Variants in UNC13C observed in about 807,000 individuals in gnomAD.
The protein encoded by UNC13C is protein unc-13 homolog C.
A neutral mutation model predicts 245.4 loss-of-function variants in UNC13C; 174 were observed. The observed-to-expected ratio is 0.71, with a 90% CI of 0.63 to 0.80. UNC13C has a LOEUF of 0.80. Ranked by LOEUF, UNC13C falls within the 30% of genes least tolerant of loss-of-function variation. The pLI, the probability that UNC13C is intolerant of heterozygous loss-of-function variation, is 0.00. For missense variants in UNC13C, 2,829 were observed against 2,602.9 expected (o/e 1.09, Z -1.89); for synonymous variants, 992 against 895.1 (o/e 1.11, Z -1.93).
At chr15:54,265,605 C>A in intron 10 of UNC13C, 109 bp downstream of exon 10, 2 of 837,466 alleles carry the variant, frequency 2.4e-6, no homozygotes, top group Non-Finnish European at 1.7e-6. Context: ...AATCTCTTAC[C>A]CAAAAGTAAT....
At chr15:53,918,462 C>A in the UNC13C span, among the ~76,000 whole-genome samples, 1 of 152,158 alleles carries the variant, frequency 6.6e-6, no homozygotes, top group Non-Finnish European at 1.5e-5. Context: ...TAACCTTCAA[C>A]CTTTCATAGT....
chr15:54,201,555 A>C (rs2034523300), intron 4 of UNC13C, among the ~76,000 whole-genome samples: 1 of 152,014 alleles, frequency 6.6e-6, no homozygotes, highest in Non-Finnish European at 1.5e-5. Context: ...CAGAATTGAA[A>C]ACAAAAGTCA....
chr15:54,098,265 G>T (rs1899981033), intron 2 of UNC13C, among the ~76,000 whole-genome samples: 1 of 152,088 alleles, frequency 6.6e-6, no homozygotes, highest in East Asian at 1.9e-4. Context: ...ACCTCTGCCT[G>T]CTGGGTTCAA....
intron 19 of UNC13C, among the ~76,000 whole-genome samples, chr15:54,448,258 G>A (rs921050974): frequency 1.3e-5 from 2 of 152,152 alleles, no homozygotes; most frequent in Non-Finnish European, 2.9e-5. Context: ...CTGTTGATTT[G>A]GGGTGGAGAG....
intron 4 of UNC13C, among the ~76,000 whole-genome samples, chr15:54,198,801 T>A (rs898484352): frequency 8.6e-5 from 13 of 151,954 alleles, no homozygotes; most frequent in African/African-American, 7.3e-5. Context: ...CAAAACAAGT[T>A]TCTTTAACAC....
chr15:54,140,133 A>C (rs987255218), intron 2 of UNC13C, among the ~76,000 whole-genome samples: 2 of 152,102 alleles, frequency 1.3e-5, no homozygotes, highest in African/African-American at 4.8e-5. Context: ...AATTTTAGAT[A>C]TTTTTACTTG....
intron 2 of UNC13C, among the ~76,000 whole-genome samples, chr15:54,059,839 C>CT (rs1897725141): frequency 1.3e-5 from 2 of 152,156 alleles, no homozygotes; most frequent in South Asian, 2.1e-4. Context: ...TGATCTTTGA[C>CT]AAACCTGACA....
At chr15:54,045,358 A>G (rs1412344888) in intron 2 of UNC13C, among the ~76,000 whole-genome samples, 1 of 152,242 alleles carries the variant, frequency 6.6e-6, no homozygotes, top group Non-Finnish European at 1.5e-5. Context: ...AAAATTCAGA[A>G]TACTTTTAAC....
intron 19 of UNC13C, among the ~76,000 whole-genome samples, chr15:54,481,341 G>A (rs1893100608): frequency 6.6e-6 from 1 of 151,846 alleles, no homozygotes; most frequent in Non-Finnish European, 1.5e-5. Context: ...GTGCAGGACT[G>A]GGCAGGCCAG....
the UNC13C span, among the ~76,000 whole-genome samples, chr15:53,896,091 A>G: frequency 1.3e-5 from 2 of 150,908 alleles, no homozygotes; most frequent in Admixed American, 1.3e-4. Flanking sequence ...ACCATCATCA[A>G]GTCAACTTTA....
chr15:54,101,617 A>G (rs1374779008), intron 2 of UNC13C, among the ~76,000 whole-genome samples: 1 of 151,560 alleles, frequency 6.6e-6, no homozygotes, highest in Non-Finnish European at 1.5e-5. Flanking sequence ...ATCTTGCTCC[A>G]TTGCCCAGGC....
At position 54,143,168 on chromosome 15, in the gene UNC13C, A is replaced by G; in HGVS notation, c.3006+128A>G. ...AATGTGCATGTTATCCCAGCTTTCCATTATTTGGTTGTCCTTTAAGTGTGC... is the reference window on the plus strand; with the variant it reads ...AATGTGCATGTTATCCCAGCTTTCCGTTATTTGGTTGTCCTTTAAGTGTGC... On this transcript the variant is annotated intron_variant, in intron 3 of 32. Coordinates refer to ENST00000260323, the MANE Select transcript of UNC13C (RefSeq NM_001080534.3). The G allele has an allele frequency of 6.5e-6, 6 of 922,112 alleles. No homozygotes were observed. In the South Asian group the frequency reaches 7.5e-5, roughly 12 times the overall value. The allele number at this position is 922,112 out of a possible 1,614,324, so 57.1% of individuals were successfully genotyped here. A position where few individuals can be genotyped will look rare whatever the true frequency, so the allele number is the denominator to read the frequency against.
intron 8 of UNC13C, among the ~76,000 whole-genome samples, chr15:54,259,182 A>G (rs57282723): frequency 0.05 from 7,671 of 152,258 alleles, 625 homozygotes; most frequent in African/African-American, 0.17. Flanking sequence ...ATCACATCGG[A>G]GATTAGGTTT....
chr15:54,216,776 A>C (rs2035052876), intron 4 of UNC13C, among the ~76,000 whole-genome samples: 1 of 151,982 alleles, frequency 6.6e-6, no homozygotes, highest in African/African-American at 2.4e-5. Context: ...CCCTTGCCTC[A>C]CAAGCGTGAA....
chr15:54,247,810 A>C (rs2036035948), intron 7 of UNC13C, among the ~76,000 whole-genome samples: 1 of 151,644 alleles, frequency 6.6e-6, no homozygotes, highest in Non-Finnish European at 1.5e-5. Flanking sequence ...CTCCCTTTAC[A>C]TGAAATGAAT....
At chr15:54,492,703 C>G (rs1893774443) in intron 19 of UNC13C, among the ~76,000 whole-genome samples, 1 of 152,128 alleles carries the variant, frequency 6.6e-6, no homozygotes, top group Non-Finnish European at 1.5e-5. Flanking sequence ...TTTCTGCTAT[C>G]CAAAGGAAGA....
rs551039668 is a variant in UNC13C at position 54,621,356 on chromosome 15, AG to A, written c.6107-970del. ...TAAAAACTATACTGTAAACTTTTGT[AG>A]CATAATAATTCATTATAGTTTATAA... On this transcript the variant is annotated intron_variant, in intron 30 of 32. Transcript: ENST00000260323. Among the ~76,000 whole-genome samples the A allele has an allele frequency of 1.7e-4, 26 of 152,356 alleles. 1 individual carries two copies. In the South Asian group the frequency reaches 4.6e-3, roughly 27 times the overall value.
intron 32 of UNC13C, among the ~76,000 whole-genome samples, chr15:54,625,319 C>G (rs1443745499): frequency 1.3e-5 from 2 of 150,384 alleles, no homozygotes; most frequent in African/African-American, 5.0e-5. Context: ...TTTTCTATTG[C>G]AAACAGCATT....
chr15:53,876,190 G>A, the UNC13C span, among the ~76,000 whole-genome samples: 8 of 152,198 alleles, frequency 5.3e-5, no homozygotes, highest in Non-Finnish European at 8.8e-5. Flanking sequence ...GTCCAATATT[G>A]CACAGATATT....
Sources: gnomAD v4.1 joint callset for allele counts (sites outside exome capture counted in the v4.1 genomes callset) on GRCh38, gnomAD v4.1.1 for gene constraint, MANE v1.5 for transcripts, NCBI Gene and HGNC (gene_info 2026-07-23, HGNC 2026-07-21) for gene names.